Variants in HYLS1 observed in about 807,000 individuals in gnomAD.
The protein encoded by HYLS1 is centriolar and ciliogenesis-associated protein HYLS1.
In HYLS1, 25 loss-of-function variants were observed where a neutral mutation model predicts 29.4. The ratio of observed to expected loss-of-function variants is 0.85; its 90% CI spans 0.62 to 1.19. The LOEUF is 1.19. Ranked by LOEUF, HYLS1 falls within the 50% of genes most tolerant of loss-of-function variation. HYLS1 has a pLI of 0.00. For synonymous variants in HYLS1, 128 were observed against 126.7 expected (o/e 1.01, Z -0.07); for missense variants, 352 against 365.1 (o/e 0.96, Z 0.29).
At chr11:125,896,636 A>G (rs1421547142) in intron 2 of HYLS1, among the ~76,000 whole-genome samples, 2 of 152,236 alleles carry the variant, frequency 1.3e-5, no homozygotes, top group Non-Finnish European at 2.9e-5. Context: ...TTGATTGAGG[A>G]CTGATGTTAC....
At chr11:125,896,102 G>T (rs142873265) in intron 2 of HYLS1, 4 of 1,614,182 alleles carry the variant, frequency 2.5e-6, no homozygotes, top group Non-Finnish European at 3.4e-6. Flanking sequence ...CGTGTCTTCG[G>T]CCATGAGCAC....
chr11:125,895,835 C>T lies in HYLS1; in HGVS notation c.-25-3509C>T. 3 of 1,580,806 alleles carry T rather than the reference C, an allele frequency of 1.9e-6. No homozygotes were observed. In the South Asian group the frequency reaches 3.5e-5, roughly 18 times the overall value. ...ACTGGGTTTTAGAGACACAAATAAT[C>T]TCAGTACTCAGTGTGTATACCTAGA... On this transcript the variant is annotated intron_variant, in intron 2 of 2. Coordinates refer to ENST00000425380, the MANE Select transcript of HYLS1 (RefSeq NM_001134793.2).
intron 1 of HYLS1, among the ~76,000 whole-genome samples, chr11:125,889,525 G>A (rs1000642513): frequency 6.6e-6 from 1 of 152,188 alleles, no homozygotes; most frequent in East Asian, 1.9e-4. Flanking sequence ...CTTGAGATTG[G>A]GAGTTTGAAA....
intron 2 of HYLS1, among the ~76,000 whole-genome samples, chr11:125,897,744 C>T (rs1469756621): frequency 6.6e-6 from 1 of 152,140 alleles, no homozygotes; most frequent in Non-Finnish European, 1.5e-5. Context: ...GAGACACAAG[C>T]TCTATTAATG....
At chr11:125,886,511 AC>A (rs1224432956), upstream of HYLS1, among the ~76,000 whole-genome samples, 2 of 150,886 alleles carry the variant, frequency 1.3e-5, no homozygotes, top group African/African-American at 4.9e-5. Flanking sequence ...AGGATATTGA[AC>A]CCTGAGGGCC....
At position 125,895,975 on chromosome 11, in the gene HYLS1, C is replaced by T. The variant is rs571720407; in HGVS notation, c.-25-3369C>T. 6.2e-7 allele frequency: 1 copy of T among 1,614,200 alleles called. No homozygotes were observed. The highest frequency in any genetic ancestry group is 1.3e-5 in the African/African-American group (1 of 75,062). On this transcript the variant is annotated intron_variant, in intron 2 of 2. Coordinates refer to ENST00000425380, the MANE Select transcript of HYLS1 (RefSeq NM_001134793.2). ...TGATAGTTGGATGTCTGTCTGCTTT[C>T]TACTAGTCGAGTCTTGGTTAGAGCT...
upstream of HYLS1, among the ~76,000 whole-genome samples, chr11:125,884,526 A>G (rs947138647): frequency 9.2e-5 from 14 of 152,126 alleles, no homozygotes; most frequent in African/African-American, 3.4e-4. Flanking sequence ...GGAGAATAGC[A>G]TGAACCCGGG....
At position 125,894,088 on chromosome 11, in the gene HYLS1, C is replaced by T. The variant is rs143682880; in HGVS notation, c.-26+2616C>T. 8.7e-6 allele frequency: 14 copies of T among 1,614,182 alleles called. No individual in the cohort carries two copies. The African/African-American group carries it at 1.6e-4, about 18-fold the overall frequency. The stretch of plus-strand genomic sequence containing the variant: ...TTCCCCATTCTGTCATTCCATCCAT[C>T]TTTGGTCCTATTCCACAGGGTACTG... On this transcript the variant is annotated intron_variant, in intron 2 of 2. Coordinates refer to ENST00000425380, the MANE Select transcript of HYLS1 (RefSeq NM_001134793.2).
upstream of HYLS1, among the ~76,000 whole-genome samples, chr11:125,886,365 T>G (rs1944304746): frequency 6.6e-6 from 1 of 152,122 alleles, no homozygotes; most frequent in African/African-American, 2.4e-5. Flanking sequence ...GATTAAACAT[T>G]TCTCCCCTCC....
At chr11:125,886,196 G>C (rs1335617104), upstream of HYLS1, among the ~76,000 whole-genome samples, 3 of 152,060 alleles carry the variant, frequency 2.0e-5, no homozygotes, top group Non-Finnish European at 4.4e-5. Context: ...CAGATGTAGG[G>C]GCAGTCACTC....
chr11:125,896,486 A>G (rs1026116912), intron 2 of HYLS1, among the ~76,000 whole-genome samples: 10 of 152,248 alleles, frequency 6.6e-5, no homozygotes, highest in African/African-American at 2.2e-4. Flanking sequence ...ATCCACAGAT[A>G]GCATTCTTTT....
chr11:125,885,724 G>C (rs1277304883), upstream of HYLS1, among the ~76,000 whole-genome samples: 1 of 152,252 alleles, frequency 6.6e-6, no homozygotes, highest in Non-Finnish European at 1.5e-5. Flanking sequence ...CGCAAGGCAG[G>C]GGGTAAGCCG....
chr11:125,900,279 A>G lies in HYLS1; in HGVS notation c.*11A>G, dbSNP rs1234097821. ...CTTTCTCCTTCTTAAATCTTTTTAA[A>G]CTTCTTTCACAGGATTGTTTGAGAT... On this transcript the variant is annotated 3_prime_UTR_variant, in exon 3 of 3. Coordinates refer to ENST00000425380, the MANE Select transcript of HYLS1 (RefSeq NM_001134793.2). 6.2e-7 allele frequency: 1 copy of G among 1,613,330 alleles called. No individual in the cohort carries two copies. The highest frequency in any genetic ancestry group is 1.1e-5 in the South Asian group (1 of 90,974).
upstream of HYLS1, chr11:125,887,575 G>C (rs1433953744): frequency 6.6e-6 from 1 of 152,300 alleles, no homozygotes; most frequent in Non-Finnish European, 1.5e-5. Context: ...ACCAATAAGA[G>C]GGAGGGCGGA....
At chr11:125,894,982 G>C (rs1201750986) in intron 2 of HYLS1, among the ~76,000 whole-genome samples, 3 of 151,886 alleles carry the variant, frequency 2.0e-5, no homozygotes, top group African/African-American at 7.3e-5. Flanking sequence ...TCAGAGTAAA[G>C]CTTCATGAAG....
At position 125,899,440 on chromosome 11, in the gene HYLS1, T is replaced by A; in HGVS notation, c.72T>A (p.Ala24=). 1 of 1,614,212 alleles carries A rather than the reference T, an allele frequency of 6.2e-7. No individual in the cohort carries two copies. The part of the protein sequence containing the change: ...MDPEERMLAA[A]TAFTHICAGQ... Reference sequence around the variant, plus strand: ...CAGAAGAACGAATGTTGGCAGCTGCTACAGCTTTTACCCACATCTGTGCAG... The same window carrying A: ...CAGAAGAACGAATGTTGGCAGCTGCAACAGCTTTTACCCACATCTGTGCAG... The change falls in exon 3 of 3, where the codon GCT becomes GCA. Residue 24 remains alanine, a synonymous_variant. Coordinates refer to ENST00000425380, the MANE Select transcript of HYLS1 (RefSeq NM_001134793.2).
chr11:125,893,347 C>T (rs977715935), intron 2 of HYLS1: 5 of 153,976 alleles, frequency 3.2e-5, no homozygotes, highest in African/African-American at 1.2e-4. Flanking sequence ...ACCAATTTAT[C>T]CAATCTTTAA....
chr11:125,900,156 A>G lies in HYLS1; in HGVS notation c.788A>G (p.Asn263Ser), dbSNP rs1446314332. The G allele has an allele frequency of 3.7e-6, 6 of 1,614,172 alleles. No individual in the cohort carries two copies. In the Admixed American group the frequency reaches 5.0e-5, roughly 13 times the overall value. ...CCTCAGCATATATATGTCCCAAACA[A>G]TTATCTAGTACCAACAGAGAAGAAA... ...SKPQHIYVPNNYLVPTEKKRS... is the reference protein window; with the variant it reads ...SKPQHIYVPNSYLVPTEKKRS... Residue 263 changes from asparagine (N) to serine (S), a missense_variant, in exon 3 of 3, where the codon AAT becomes AGT. Coordinates refer to ENST00000425380, the MANE Select transcript of HYLS1 (RefSeq NM_001134793.2).
At chr11:125,893,982 G>GACTTGGCATAA (rs1468582339) in intron 2 of HYLS1, 4 of 1,614,016 alleles carry the variant, frequency 2.5e-6, no homozygotes, top group Non-Finnish European at 3.4e-6. Flanking sequence ...CATTTAGGAC[G>GACTTGGCATAA]GTCCATGAGG....
Sources: allele counts gnomAD v4.1 joint callset (sites outside exome capture counted in the v4.1 genomes callset), GRCh38; gene constraint gnomAD v4.1.1; transcripts MANE v1.5; gene names NCBI Gene and HGNC (gene_info 2026-07-23, HGNC 2026-07-21).